MYH10: variants seen among roughly 807,000 people sequenced by gnomAD.
MYH10 encodes the protein myosin-10.
MYH10 carries 55 observed loss-of-function variants against 257.8 expected under a neutral mutation model. That is an observed-to-expected ratio of 0.21 (90% CI 0.17 to 0.27). MYH10 has a LOEUF of 0.27. Ranked by LOEUF, MYH10 falls within the 10% of genes least tolerant of loss-of-function variation. The pLI is 1.00. For synonymous variants in MYH10, 854 were observed against 921.7 expected, an observed-to-expected ratio of 0.93 and a Z score of 1.33; for missense variants, 1,631 against 2,500.6, an observed-to-expected ratio of 0.65 and a Z score of 7.42.
intron 14 of MYH10, among the ~76,000 whole-genome samples, chr17:8,540,179 T>C (rs988882073): frequency 6.6e-6 from 1 of 152,098 alleles, no homozygotes; most frequent in African/African-American, 2.4e-5. Flanking sequence ...TTAGTAGAGA[T>C]GGGGTTTCAC....
At chr17:8,568,868 C>T (rs879328518) in intron 7 of MYH10, among the ~76,000 whole-genome samples, 4 of 151,882 alleles carry the variant, frequency 2.6e-5, no homozygotes, top group Non-Finnish European at 5.9e-5. Flanking sequence ...TGAACAGGTA[C>T]AGCTAGTCAA....
chr17:8,591,094 G>A (rs935467914), intron 3 of MYH10, among the ~76,000 whole-genome samples: 1 of 151,770 alleles, frequency 6.6e-6, no homozygotes, highest in Non-Finnish European at 1.5e-5. Flanking sequence ...GGATGGTCTC[G>A]ATCTCCCGAC....
intron 24 of MYH10, among the ~76,000 whole-genome samples, chr17:8,511,731 T>C (rs776059385): frequency 2.2e-4 from 33 of 152,302 alleles, no homozygotes; most frequent in Non-Finnish European, 4.1e-4. Flanking sequence ...CAGACCAGCA[T>C]AATAAGCCCC....
At chr17:8,479,622 G>A (rs1184888245) in intron 40 of MYH10, among the ~76,000 whole-genome samples, 2 of 152,204 alleles carry the variant, frequency 1.3e-5, no homozygotes, top group Non-Finnish European at 2.9e-5. Flanking sequence ...CTGGCTCTGG[G>A]CGCTATGACC....
chr17:8,487,471 C>A lies in MYH10; in HGVS notation c.5008G>T (p.Ala1670Ser). 6.2e-7 allele frequency: 1 copy of A among 1,614,240 alleles called. No homozygotes were observed. ...LEAQIEAANKARDEVIKQLRK... is the reference protein window; with the variant it reads ...LEAQIEAANKSRDEVIKQLRK... ...AGCTGCTTAATCACCTCATCCCGAGCTTTGTTCGCAGCCTCGATTTGGGCT... is the reference window on the plus strand; with the variant it reads ...AGCTGCTTAATCACCTCATCCCGAGATTTGTTCGCAGCCTCGATTTGGGCT... Residue 1670 changes from alanine (A) to serine (S), a missense_variant, in exon 36 of 43, where the codon GCT becomes TCT. Ala to Ser is a moderately conservative substitution (Grantham distance 99, BLOSUM62 1). This residue lies in a region of MYH10 where 463 missense variants were observed against 621.8 expected (regional missense o/e 0.74). Coordinates refer to ENST00000360416, the MANE Select transcript of MYH10 (RefSeq NM_001256012.3).
intron 6 of MYH10, among the ~76,000 whole-genome samples, chr17:8,571,412 T>C (rs2083337875): frequency 6.6e-6 from 1 of 151,852 alleles, no homozygotes; most frequent in African/African-American, 2.4e-5. Flanking sequence ...TAAATTTTTC[T>C]AAACCATTAC....
chr17:8,588,302 C>A (rs1314145793), intron 4 of MYH10, among the ~76,000 whole-genome samples: 1 of 152,150 alleles, frequency 6.6e-6, no homozygotes, highest in Non-Finnish European at 1.5e-5. Flanking sequence ...TCCAAACCCA[C>A]ATATCCAAGA....
chr17:8,608,367 C>T (rs1283772481), intron 2 of MYH10, among the ~76,000 whole-genome samples: 1 of 152,126 alleles, frequency 6.6e-6, no homozygotes. Flanking sequence ...CAGAGAAGGC[C>T]GGGACTTCAC....
chr17:8,590,550 G>A (rs1027418089), intron 3 of MYH10, among the ~76,000 whole-genome samples: 1 of 151,988 alleles, frequency 6.6e-6, no homozygotes, highest in African/African-American at 2.4e-5. Flanking sequence ...AGGCTTAAGG[G>A]ATCCACCTGC....
In MYH10 at chr17:8,504,959, T is replaced by C; in HGVS notation, c.3387-53A>G. 6.6e-7 allele frequency: 1 copy of C among 1,512,452 alleles called. No individual in the cohort carries two copies. The highest frequency in any genetic ancestry group is 9.2e-7 in the Non-Finnish European group (1 of 1,091,066). The allele number at this position is 1,512,452 out of a possible 1,614,324, so 93.7% of individuals were successfully genotyped here. A position where few individuals can be genotyped will look rare whatever the true frequency, so the allele number is the denominator to read the frequency against. On this transcript the variant is annotated intron_variant, in intron 27 of 42. Transcript: ENST00000360416. The surrounding 1 kb of genome is among the most constrained non-coding windows in gnomAD (Gnocchi z 5.6). ...ACTCAGAGATGGCACCCGGATGGCCTGTTTCTCAGGCGAGCCCCAGCCCCT... is the reference window on the plus strand; with the variant it reads ...ACTCAGAGATGGCACCCGGATGGCCCGTTTCTCAGGCGAGCCCCAGCCCCT...
chr17:8,489,708 A>AACACACACACACACACACACACACAC (rs59065540), intron 35 of MYH10, among the ~76,000 whole-genome samples: 101 of 93,120 alleles, frequency 1.1e-3, no homozygotes, highest in African/African-American at 3.1e-3. Flanking sequence ...CGTCTGAAAA[A>AACACACACACACACACACACACACAC]ACACACACAC....
intron 4 of MYH10, among the ~76,000 whole-genome samples, chr17:8,586,608 T>G (rs530578975): frequency 6.6e-6 from 1 of 152,290 alleles, no homozygotes; most frequent in African/African-American, 2.4e-5. Flanking sequence ...CAAGAAGAGA[T>G]AAACCCAGGT....
chr17:8,521,419 T>G (rs1477840697), intron 17 of MYH10, 134 bp from the exon 18 acceptor site: 4 of 898,786 alleles, frequency 4.5e-6, no homozygotes, highest in Non-Finnish European at 6.8e-6. Flanking sequence ...GGTAAGGCAG[T>G]CAGCATACTT....
At chr17:8,528,727 G>T (rs748453128) in intron 17 of MYH10, among the ~76,000 whole-genome samples, 1 of 152,156 alleles carries the variant, frequency 6.6e-6, no homozygotes, top group African/African-American at 2.4e-5. Context: ...TGTCTTCCAA[G>T]AAATCACTGG....
chr17:8,525,845 T>C (rs2081824995), intron 17 of MYH10, among the ~76,000 whole-genome samples: 1 of 152,154 alleles, frequency 6.6e-6, no homozygotes, highest in Non-Finnish European at 1.5e-5. Context: ...CAGGCTGGAG[T>C]GCAGTGGCAC....
chr17:8,478,559 T>C, intron 40 of MYH10, 113 bp from the exon 41 acceptor site: 1 of 885,392 alleles, frequency 1.1e-6, no homozygotes. Flanking sequence ...GGAGGCATTA[T>C]GGACCTCTCT....
intron 41 of MYH10, 26 bp downstream of exon 41, chr17:8,478,312 T>G: frequency 6.3e-7 from 1 of 1,597,794 alleles, no homozygotes; most frequent in Non-Finnish European, 8.6e-7. Flanking sequence ...CTCACGCGCT[T>G]CCCAGGGAGG....
At chr17:8,553,351 C>T (rs1015725247) in intron 8 of MYH10, among the ~76,000 whole-genome samples, 2 of 152,046 alleles carry the variant, frequency 1.3e-5, no homozygotes, top group East Asian at 1.9e-4. Context: ...ATTAAGTACC[C>T]GAAAACTGTC....
At chr17:8,520,806 T>C in intron 19 of MYH10, 72 bp downstream of exon 19, 1 of 1,479,022 alleles carries the variant, frequency 6.8e-7, no homozygotes, top group African/African-American at 1.4e-5. Flanking sequence ...GATTTCCTTA[T>C]TTTATCACTG....
Sources: gnomAD v4.1 joint callset for allele counts (sites outside exome capture counted in the v4.1 genomes callset) on GRCh38, gnomAD v4.1.1 for gene constraint, gnomAD v4.1.1 regional missense constraint, Gnocchi (gnomAD v3.1) non-coding constraint, MANE v1.5 for transcripts, NCBI Gene and HGNC (gene_info 2026-07-23, HGNC 2026-07-21) for gene names.